BMPR1B: variants seen among roughly 807,000 people sequenced by gnomAD.
BMPR1B encodes the protein bone morphogenetic protein receptor type 1B, also known as bone morphogenetic protein receptor type-1B.
BMPR1B carries 12 observed loss-of-function variants against 59.1 expected under a neutral mutation model. The ratio of observed to expected loss-of-function variants is 0.20; its 90% CI spans 0.13 to 0.33. The LOEUF (loss-of-function observed/expected upper bound fraction) is 0.33. BMPR1B is among the 10% of genes least tolerant of loss of function. BMPR1B has a pLI of 1.00. For missense variants in BMPR1B, 550 were observed against 610.9 expected (o/e 0.90, Z 1.05); for synonymous variants, 237 against 207.3 (o/e 1.14, Z -1.23).
chr4:95,015,536 C>G (rs1723524184), intron 3 of BMPR1B, among the ~76,000 whole-genome samples: 1 of 152,060 alleles, frequency 6.6e-6, no homozygotes, highest in Non-Finnish European at 1.5e-5. Flanking sequence ...CAGGTGCACA[C>G]CACCACACCA....
rs139416732 is a variant in BMPR1B at position 94,775,947 on chromosome 4, C to T, written c.-183+17879C>T. On this transcript the variant is annotated intron_variant, in intron 1 of 12. Coordinates refer to ENST00000515059, the MANE Select transcript of BMPR1B (RefSeq NM_001203.3). ...TCTACTAAAAGTATAAAAAATTAGC[C>T]GGGTGTGATGGTGGTCGCCTGTAGT... Among the ~76,000 whole-genome samples the T allele has an allele frequency of 7.9e-3, 1,203 of 151,944 alleles. 15 individuals are homozygous for T. Among genetic ancestry groups the T allele is most frequent in the African/African-American group, 0.027 (1,131 of 41,472 alleles).
chr4:94,982,305 A>T (rs554271775), intron 2 of BMPR1B, among the ~76,000 whole-genome samples: 132 of 107,374 alleles, frequency 1.2e-3, no homozygotes, highest in Middle Eastern at 0.011. Flanking sequence ...GCCTTTTTTT[A>T]AAAAAAAACA....
At chr4:94,809,680 A>G (rs554746513) in intron 1 of BMPR1B, among the ~76,000 whole-genome samples, 101 of 152,320 alleles carry the variant, frequency 6.6e-4, no homozygotes, top group African/African-American at 2.3e-3. Flanking sequence ...AAGAGAAACA[A>G]TCCTTTTTCT....
chr4:94,994,132 T>C (rs1560585035), intron 2 of BMPR1B, among the ~76,000 whole-genome samples: 2 of 152,228 alleles, frequency 1.3e-5, no homozygotes, highest in Non-Finnish European at 2.9e-5. Context: ...CAAAATTCTT[T>C]TAAGAGTCTG....
chr4:95,007,043 A>G (rs1447089155), intron 3 of BMPR1B, among the ~76,000 whole-genome samples: 4 of 152,168 alleles, frequency 2.6e-5, no homozygotes, highest in Non-Finnish European at 1.5e-5. Flanking sequence ...ATATTTACGA[A>G]CATTAATACA....
chr4:95,124,787 A>G (rs1249185565), intron 7 of BMPR1B, among the ~76,000 whole-genome samples, 196 bp from the exon 8 acceptor site: 1 of 152,170 alleles, frequency 6.6e-6, no homozygotes, highest in Non-Finnish European at 1.5e-5. Flanking sequence ...TATTTAGTTT[A>G]TTTTAAAAAA....
intron 3 of BMPR1B, among the ~76,000 whole-genome samples, chr4:95,059,391 T>G (rs2149201727): frequency 6.6e-6 from 1 of 152,278 alleles, no homozygotes; most frequent in Non-Finnish European, 1.5e-5. Context: ...TATTTCCTAC[T>G]TAATTTCCTG....
At chr4:95,074,523 A>G (rs1728557286) in intron 3 of BMPR1B, among the ~76,000 whole-genome samples, 1 of 151,798 alleles carries the variant, frequency 6.6e-6, no homozygotes, top group Admixed American at 6.6e-5. Context: ...TTTCTTCTTC[A>G]TTTTCATTTT....
intron 3 of BMPR1B, among the ~76,000 whole-genome samples, chr4:95,056,740 A>G (rs1453475585): frequency 6.6e-6 from 1 of 152,194 alleles, no homozygotes; most frequent in Non-Finnish European, 1.5e-5. Flanking sequence ...CTCATCTTGC[A>G]GCTCATCTCA....
chr4:94,932,693 T>A (rs942149897), intron 2 of BMPR1B, among the ~76,000 whole-genome samples: 3 of 152,122 alleles, frequency 2.0e-5, no homozygotes, highest in Non-Finnish European at 2.9e-5. Flanking sequence ...AATTGGCATT[T>A]TACAACACAT....
chr4:94,830,239 G>A (rs567450053), intron 1 of BMPR1B, among the ~76,000 whole-genome samples: 2 of 152,196 alleles, frequency 1.3e-5, no homozygotes, highest in African/African-American at 2.4e-5. Flanking sequence ...CATTAGAAAT[G>A]TTAATATGGG....
intron 1 of BMPR1B, among the ~76,000 whole-genome samples, chr4:94,831,233 T>TAAAA (rs34088781): frequency 1.0e-4 from 9 of 88,534 alleles, no homozygotes; most frequent in African/African-American, 2.2e-4. Context: ...GTTTAAAAAG[T>TAAAA]AAAAAAAAAA....
intron 8 of BMPR1B, among the ~76,000 whole-genome samples, chr4:95,128,903 T>G (rs1733094918): frequency 6.6e-6 from 1 of 152,198 alleles, no homozygotes; most frequent in Non-Finnish European, 1.5e-5. Context: ...GACTGTTTCT[T>G]TGTTCTAAAG....
chr4:95,071,632 TTGTG>T lies in BMPR1B; in HGVS notation c.-17-32758_-17-32755del, dbSNP rs71912877. Among the ~76,000 whole-genome samples, 289 of 118,144 alleles carry T rather than the reference TTGTG, an allele frequency of 2.4e-3. 4 individuals carry two copies. Among genetic ancestry groups the T allele is most frequent in the African/African-American group, 3.8e-3 (107 of 28,532 alleles). 77.5% of individuals were successfully genotyped at this position (118,144 alleles called of 152,430 possible). Reference sequence around the variant, plus strand: ...ATAGATTATGAATATATATGTGTGTTTGTGTGTGTGTGTGTGTGTGTATATATAT... The same window carrying T: ...ATAGATTATGAATATATATGTGTGTTTGTGTGTGTGTGTGTGTATATATAT... On this transcript the variant is annotated intron_variant, in intron 3 of 12. Coordinates refer to ENST00000515059, the MANE Select transcript of BMPR1B (RefSeq NM_001203.3).
At chr4:94,999,700 A>G (rs746759556) in intron 3 of BMPR1B, among the ~76,000 whole-genome samples, 17 of 152,210 alleles carry the variant, frequency 1.1e-4, no homozygotes, top group Non-Finnish European at 2.4e-4. Context: ...AGAGAGCTTC[A>G]GGAGAGAATA....
At chr4:94,993,091 A>G (rs951501596) in intron 2 of BMPR1B, among the ~76,000 whole-genome samples, 1 of 152,022 alleles carries the variant, frequency 6.6e-6, no homozygotes, top group Non-Finnish European at 1.5e-5. Flanking sequence ...AGGTCTTGCT[A>G]TGTTTCCCAG....
At chr4:94,785,240 C>G (rs1237184319) in intron 1 of BMPR1B, among the ~76,000 whole-genome samples, 1 of 152,128 alleles carries the variant, frequency 6.6e-6, no homozygotes, top group Non-Finnish European at 1.5e-5. Flanking sequence ...CTGTGCTCAC[C>G]AAAGAATTAT....
At chr4:94,977,379 T>C (rs1448935306) in intron 2 of BMPR1B, among the ~76,000 whole-genome samples, 1 of 152,190 alleles carries the variant, frequency 6.6e-6, no homozygotes, top group South Asian at 2.1e-4. Context: ...TACCTGGTAT[T>C]TTATTTTTCC....
chr4:95,148,955 T>C, intron 11 of BMPR1B, 32 bp downstream of exon 11: 1 of 1,609,086 alleles, frequency 6.2e-7, no homozygotes. Context: ...GAAAAGCTAC[T>C]ATTGGAGCTA....
Sources: allele counts gnomAD v4.1 joint callset (sites outside exome capture counted in the v4.1 genomes callset), GRCh38; gene constraint gnomAD v4.1.1; transcripts MANE v1.5; gene names NCBI Gene and HGNC (gene_info 2026-07-23, HGNC 2026-07-21).